Variants in NRXN1 observed in about 807,000 individuals in gnomAD.
The protein encoded by NRXN1 is neurexin 1.
In NRXN1, 39 loss-of-function variants were observed where a neutral mutation model predicts 150.9. That is an observed-to-expected ratio of 0.26 (90% CI 0.20 to 0.34). NRXN1 has a LOEUF of 0.34. Among genes scored for constraint, NRXN1 ranks in the 10% least tolerant of loss-of-function variants. The pLI, the probability that NRXN1 is intolerant of heterozygous loss-of-function variation, is 1.00. For synonymous variants in NRXN1, 924 were observed against 757.0 expected (o/e 1.22, Z -3.62); for missense variants, 1,815 against 1,949.9 (o/e 0.93, Z 1.30).
chr2:50,010,506 C>G (rs1413124622), intron 21 of NRXN1, among the ~76,000 whole-genome samples: 1 of 152,100 alleles, frequency 6.6e-6, no homozygotes, highest in African/African-American at 2.4e-5. Flanking sequence ...AACGATAACT[C>G]TAAGAAAATG....
At position 50,351,567 on chromosome 2, in the gene NRXN1, G is replaced by T. The variant is rs533992213; in HGVS notation, c.3364+113875C>A. Among the ~76,000 whole-genome samples the T allele has an allele frequency of 2.6e-5, 4 of 152,166 alleles. No homozygotes were observed. In the South Asian group the frequency reaches 8.3e-4, roughly 32 times the overall value. ...AATTAACTAAATTTTACCTGAACAC[G>T]CCTCACTTCTACATAAACAGAGTAT... is the stretch of plus-strand genomic sequence containing the variant. On this transcript the variant is annotated intron_variant, in intron 17 of 22. Coordinates refer to ENST00000401669, the MANE Select transcript of NRXN1 (RefSeq NM_001330078.2).
chr2:50,027,598 T>A (rs1375420077), intron 21 of NRXN1, among the ~76,000 whole-genome samples: 2 of 152,088 alleles, frequency 1.3e-5, no homozygotes, highest in East Asian at 3.9e-4. Context: ...CATGCCACCA[T>A]GTCCTCCTAA....
At chr2:50,094,283 T>C (rs1217027824) in intron 18 of NRXN1, among the ~76,000 whole-genome samples, 1 of 152,176 alleles carries the variant, frequency 6.6e-6, no homozygotes, top group Non-Finnish European at 1.5e-5. Context: ...GAACTGCTTT[T>C]AGGGTCCTGA....
At chr2:50,984,529 G>T (rs987267947) in intron 2 of NRXN1, among the ~76,000 whole-genome samples, 13 of 151,814 alleles carry the variant, frequency 8.6e-5, no homozygotes, top group Non-Finnish European at 1.2e-4. Context: ...CCAGAGAAGG[G>T]AACTAAAAAA....
chr2:50,586,167 G>T (rs975325831), intron 8 of NRXN1, among the ~76,000 whole-genome samples: 1 of 152,076 alleles, frequency 6.6e-6, no homozygotes, highest in South Asian at 2.1e-4. Context: ...ACCCTCCAGG[G>T]TGTTTGCACT....
At chr2:50,291,023 T>A (rs2072857271) in intron 17 of NRXN1, among the ~76,000 whole-genome samples, 1 of 152,096 alleles carries the variant, frequency 6.6e-6, no homozygotes, top group South Asian at 2.1e-4. Flanking sequence ...CATATTTCTA[T>A]TTCTAGAAAG....
chr2:50,585,755 T>G (rs1332688187), intron 8 of NRXN1, among the ~76,000 whole-genome samples: 1 of 152,148 alleles, frequency 6.6e-6, no homozygotes, highest in East Asian at 1.9e-4. Context: ...AATTGGTTTT[T>G]GATGGGGCCT....
chr2:50,373,626 A>AAAAGAAAGAAAGAAAGAAAG (rs202127677), intron 17 of NRXN1, among the ~76,000 whole-genome samples: 5 of 98,610 alleles, frequency 5.1e-5, no homozygotes, highest in East Asian at 3.2e-4. Context: ...AGAGAGAAAG[A>AAAAGAAAGAAAGAAAGAAAG]AAAGAAAGAA....
At chr2:50,508,913 C>G (rs2092347260) in intron 12 of NRXN1, among the ~76,000 whole-genome samples, 1 of 152,130 alleles carries the variant, frequency 6.6e-6, no homozygotes. Flanking sequence ...CACAATGTTA[C>G]CCATGCAACA....
At chr2:50,420,406 C>CACGT (rs1431118219) in intron 17 of NRXN1, among the ~76,000 whole-genome samples, 3 of 151,148 alleles carry the variant, frequency 2.0e-5, no homozygotes, top group Non-Finnish European at 3.0e-5. Context: ...TGTACACACA[C>CACGT]ACACACACAT....
chr2:50,654,640 C>T (rs1365635125), intron 5 of NRXN1, among the ~76,000 whole-genome samples: 1 of 152,000 alleles, frequency 6.6e-6, no homozygotes, highest in Non-Finnish European at 1.5e-5. Context: ...GTTAACAGTC[C>T]CATCAACAGT....
At chr2:50,707,726 G>A (rs545164601) in intron 5 of NRXN1, among the ~76,000 whole-genome samples, 1 of 152,030 alleles carries the variant, frequency 6.6e-6, no homozygotes, top group African/African-American at 2.4e-5. Context: ...GAAGCCAGCA[G>A]CAACAAACTC....
At chr2:50,653,898 T>C (rs1378169876) in intron 5 of NRXN1, among the ~76,000 whole-genome samples, 6 of 151,634 alleles carry the variant, frequency 4.0e-5, no homozygotes, top group Non-Finnish European at 7.4e-5. Flanking sequence ...TTTTCTTTTG[T>C]GACATAATGG....
intron 18 of NRXN1, among the ~76,000 whole-genome samples, chr2:50,123,374 TAGAA>T (rs1412383436): frequency 6.6e-6 from 1 of 152,096 alleles, no homozygotes; most frequent in South Asian, 2.1e-4. Flanking sequence ...AAAGACTACA[TAGAA>T]AGGCTTGGAG....
intron 15 of NRXN1, among the ~76,000 whole-genome samples, chr2:50,472,994 A>G (rs982559424): frequency 6.6e-6 from 1 of 151,956 alleles, no homozygotes; most frequent in African/African-American, 2.4e-5. Flanking sequence ...AGGCATTATT[A>G]TTAAATTCAC....
chr2:50,333,500 G>C (rs1478575336), intron 17 of NRXN1, among the ~76,000 whole-genome samples: 1 of 152,080 alleles, frequency 6.6e-6, no homozygotes, highest in African/African-American at 2.4e-5. Flanking sequence ...AGTAATGAAG[G>C]AGGATGTGTG....
At chr2:51,011,298 C>T (rs1166035160) in intron 2 of NRXN1, among the ~76,000 whole-genome samples, 1 of 152,002 alleles carries the variant, frequency 6.6e-6, no homozygotes, top group Non-Finnish European at 1.5e-5. Context: ...TGAACTCCTA[C>T]AGTGGGCCAG....
At chr2:50,557,100 A>G (rs1160138170) in intron 8 of NRXN1, among the ~76,000 whole-genome samples, 1 of 152,172 alleles carries the variant, frequency 6.6e-6, no homozygotes, top group African/African-American at 2.4e-5. Flanking sequence ...GTACACAGAC[A>G]TGCCTCGAGG....
chr2:50,927,285 A>T (rs901429280), intron 2 of NRXN1, among the ~76,000 whole-genome samples: 1 of 152,070 alleles, frequency 6.6e-6, no homozygotes. Flanking sequence ...AAAACATTTC[A>T]GCTGAAAATT....
Sources: gnomAD v4.1 joint callset for allele counts (sites outside exome capture counted in the v4.1 genomes callset) on GRCh38, gnomAD v4.1.1 for gene constraint, MANE v1.5 for transcripts, NCBI Gene and HGNC (gene_info 2026-07-23, HGNC 2026-07-21) for gene names.